SPON2: variants seen among roughly 807,000 people sequenced by gnomAD.
SPON2 encodes spondin-2.
Under a neutral mutation model 29.9 loss-of-function variants are expected in SPON2, and 32 were observed. That is an observed-to-expected ratio of 1.07 (90% CI 0.81 to 1.44). SPON2 has a LOEUF of 1.44. Among genes scored for constraint, SPON2 ranks in the 40% most tolerant of loss-of-function variants. SPON2 has a pLI of 0.00. For synonymous variants in SPON2, 248 were observed against 209.1 expected (o/e 1.19, Z -1.61); for missense variants, 541 against 455.5 (o/e 1.19, Z -1.71).
rs1728241594 is a variant in SPON2 at position 1,202,690 on chromosome 4, C to A, written c.-234+5190G>T. 1.3e-5 allele frequency among the ~76,000 whole-genome samples: 2 copies of A among 152,150 alleles called. No homozygotes were observed. The highest frequency in any genetic ancestry group is 1.3e-4 in the Admixed American group (2 of 15,282). On this transcript the variant is annotated intron_variant, in intron 1 of 3. Coordinates refer to the SPON2 transcript ENST00000509233. This position sits in a 1 kb window ranked among gnomAD's most constrained non-coding sequence, Gnocchi z 5.4. ...CTCGGAGGCAGCCCCCACCTCAGCT[C>A]CGGTGGGCATAGCCTCGGTGGGGAC...
At chr4:1,176,838 A>ACTTCATTC (rs1727611262), upstream of SPON2, among the ~76,000 whole-genome samples, 4 of 115,700 alleles carry the variant, frequency 3.5e-5, no homozygotes, top group African/African-American at 1.7e-4. Context: ...TCATTCACAC[A>ACTTCATTC]GTTCATTCAC....
Position 1,167,460 on chromosome 4 carries a change from G to A in SPON2, c.*12C>T. ...GGCTCCGGGGGGCCCCAGGGGCTGCGGGGCTCTGGTCTTAGACGCAGTTAT... is the reference window on the plus strand; with the variant it reads ...GGCTCCGGGGGGCCCCAGGGGCTGCAGGGCTCTGGTCTTAGACGCAGTTAT... On this transcript the variant is annotated 3_prime_UTR_variant, in exon 6 of 6. Coordinates refer to ENST00000290902, the MANE Select transcript of SPON2 (RefSeq NM_012445.4). 6.2e-7 allele frequency: 1 copy of A among 1,608,236 alleles called. No individual in the cohort carries two copies. The highest frequency in any genetic ancestry group is 1.1e-5 in the South Asian group (1 of 90,540).
chr4:1,201,553 T>C (rs1577000364), intron 1 of SPON2: 1 of 155,938 alleles, frequency 6.4e-6, no homozygotes, highest in South Asian at 1.7e-4. Context: ...CACACTGAGG[T>C]CCGCGCGCAG....
At chr4:1,172,243 G>A (rs1440723433) in intron 1 of SPON2, 169 bp from the exon 2 acceptor site, 2 of 633,398 alleles carry the variant, frequency 3.2e-6, no homozygotes, top group Non-Finnish European at 5.4e-6. Flanking sequence ...CCCCATCAGC[G>A]GAATGGACGG....
At chr4:1,171,518 T>C (rs747192523) in intron 2 of SPON2, 32 bp from the exon 3 acceptor site, 4 of 1,597,154 alleles carry the variant, frequency 2.5e-6, no homozygotes, top group Admixed American at 1.7e-5. Context: ...CCGCGGACCA[T>C]GGTCAGACAC....
chr4:1,200,515 C>A, intron 1 of SPON2: 1 of 304,426 alleles, frequency 3.3e-6, no homozygotes, highest in Non-Finnish European at 6.5e-6. Flanking sequence ...TCAGCCTCTG[C>A]GCTTCTGCCT....
chr4:1,186,075 T>A (rs1378480031), intron 1 of SPON2, among the ~76,000 whole-genome samples: 2 of 140,958 alleles, frequency 1.4e-5, no homozygotes, highest in African/African-American at 2.5e-5. Flanking sequence ...AAACCCCATC[T>A]CTACTAAAAA....
At chr4:1,198,386 T>G (rs937802564), upstream of SPON2, among the ~76,000 whole-genome samples, 1 of 152,128 alleles carries the variant, frequency 6.6e-6, no homozygotes, top group Non-Finnish European at 1.5e-5. Flanking sequence ...AGGAAAGTCA[T>G]CCCAGGGTTA....
chr4:1,179,166 G>A (rs1727661093), intron 2 of SPON2, among the ~76,000 whole-genome samples: 2 of 151,278 alleles, frequency 1.3e-5, no homozygotes, highest in South Asian at 4.2e-4. Flanking sequence ...ACGCTGAGTG[G>A]GGACCTTGCC....
chr4:1,206,935 G>T (rs951887748), intron 1 of SPON2, among the ~76,000 whole-genome samples: 2 of 150,854 alleles, frequency 1.3e-5, no homozygotes, highest in East Asian at 2.0e-4. Context: ...GACAGGAGAA[G>T]AGGCAGTGGG....
intron 1 of SPON2, among the ~76,000 whole-genome samples, chr4:1,191,877 G>A (rs777838850): frequency 1.8e-4 from 28 of 152,166 alleles, no homozygotes; most frequent in Admixed American, 3.3e-4. Flanking sequence ...CTACATTCAG[G>A]TACATAGCTC....
rs1289897722 is a variant in SPON2, at chr4:1,167,209, T to G, written c.*263A>C. On this transcript the variant is annotated 3_prime_UTR_variant, in exon 6 of 6. Coordinates refer to ENST00000290902, the MANE Select transcript of SPON2 (RefSeq NM_012445.4). ...AGTAGCTGGAGCCTTGGGGATGACT[T>G]TATCCTGCAGGAGGAGGAGGCTGAG... 1 of 469,296 alleles carries G rather than the reference T, an allele frequency of 2.1e-6. No individual in the cohort carries two copies. The highest frequency in any genetic ancestry group is 3.5e-5 in the East Asian group (1 of 28,884). The allele number at this position is 469,296 out of a possible 1,614,324, so 29.1% of individuals were successfully genotyped here.
upstream of SPON2, among the ~76,000 whole-genome samples, chr4:1,176,052 G>T (rs562352308): frequency 6.6e-6 from 1 of 152,244 alleles, no homozygotes; most frequent in East Asian, 1.9e-4. Context: ...GGCCAGGTGG[G>T]CTTAATTTTC....
At chr4:1,185,033 A>T (rs1227572988) in intron 1 of SPON2, among the ~76,000 whole-genome samples, 1 of 151,986 alleles carries the variant, frequency 6.6e-6, no homozygotes, top group Non-Finnish European at 1.5e-5. Flanking sequence ...TTTTTGACAA[A>T]AGTGCCAAGA....
At chr4:1,196,588 T>G (rs1001818921), upstream of SPON2, among the ~76,000 whole-genome samples, 2 of 152,050 alleles carry the variant, frequency 1.3e-5, no homozygotes, top group Admixed American at 6.5e-5. Flanking sequence ...ACACCCCACT[T>G]GGGCCTCTGG....
intron 5 of SPON2, 105 bp from the exon 6 acceptor site, chr4:1,167,761 C>T: frequency 7.7e-7 from 1 of 1,300,404 alleles, no homozygotes. Context: ...AGAGGCCACG[C>T]CCACCCTTCG....
intron 1 of SPON2, chr4:1,201,543 C>A (rs1246737394): frequency 6.2e-6 from 1 of 160,468 alleles, no homozygotes; most frequent in Non-Finnish European, 1.4e-5. Context: ...GAGTGCCTGC[C>A]ACACTGAGGT....
At chr4:1,178,286 G>C (rs1029910496) in intron 2 of SPON2, among the ~76,000 whole-genome samples, 6 of 150,604 alleles carry the variant, frequency 4.0e-5, no homozygotes, top group Admixed American at 2.0e-4. Context: ...CAAGGGCTTT[G>C]CTCCGGCCAG....
chr4:1,168,570 C>G (rs959670505), intron 5 of SPON2, among the ~76,000 whole-genome samples: 2 of 152,198 alleles, frequency 1.3e-5, no homozygotes, highest in Admixed American at 1.3e-4. Flanking sequence ...GCTGAGGCTT[C>G]GCAGGGGCAC....
Sources: allele counts gnomAD v4.1 joint callset (sites outside exome capture counted in the v4.1 genomes callset), GRCh38; gene constraint gnomAD v4.1.1; non-coding constraint Gnocchi (gnomAD v3.1); transcripts MANE v1.5; gene names NCBI Gene and HGNC (gene_info 2026-07-23, HGNC 2026-07-21).